PALM2AKAP2: variants seen among roughly 807,000 people sequenced by gnomAD.
PALM2AKAP2 encodes PALM2-AKAP2 fusion protein.
Under a neutral mutation model 71.5 loss-of-function variants are expected in PALM2AKAP2, and 37 were observed. That is an observed-to-expected ratio of 0.52 (90% confidence interval 0.40 to 0.68). PALM2AKAP2 has a LOEUF of 0.68. Ranked by LOEUF, PALM2AKAP2 falls within the 30% of genes least tolerant of loss-of-function variation. PALM2AKAP2 has a pLI of 0.00. For missense variants in PALM2AKAP2, 1,224 were observed against 1,191.8 expected (o/e 1.03, Z -0.40); for synonymous variants, 468 against 478.8 (o/e 0.98, Z 0.29).
chr9:109,934,820 A>G (rs1016679950), intron 6 of PALM2AKAP2, among the ~76,000 whole-genome samples: 1 of 152,234 alleles, frequency 6.6e-6, no homozygotes. Context: ...CTAGCTATAC[A>G]TATACTACTT....
chr9:109,741,963 A>G (rs896095916), intron 1 of PALM2AKAP2, among the ~76,000 whole-genome samples: 1 of 152,190 alleles, frequency 6.6e-6, no homozygotes, highest in African/African-American at 2.4e-5. Flanking sequence ...GTCTTGCATA[A>G]TAGTGGTCTA....
At chr9:110,153,503 C>T (rs1332423086) in intron 2 of PALM2AKAP2, among the ~76,000 whole-genome samples, 1 of 152,190 alleles carries the variant, frequency 6.6e-6, no homozygotes, top group East Asian at 1.9e-4. Context: ...TGTTTTAATT[C>T]ATATATTTTG....
intron 1 of PALM2AKAP2, among the ~76,000 whole-genome samples, chr9:109,843,686 A>G (rs1303324912): frequency 6.6e-6 from 1 of 152,152 alleles, no homozygotes; most frequent in East Asian, 1.9e-4. Flanking sequence ...TAAAGTCGAT[A>G]GTGTGTGTGT....
chr9:110,003,149 G>A (rs1056777256), intron 6 of PALM2AKAP2, among the ~76,000 whole-genome samples: 4 of 151,952 alleles, frequency 2.6e-5, no homozygotes, highest in Admixed American at 6.6e-5. Flanking sequence ...GATCTTTCCT[G>A]CTTTCTCTTG....
intron 1 of PALM2AKAP2, among the ~76,000 whole-genome samples, chr9:109,750,927 C>T (rs971723152): frequency 7.2e-5 from 11 of 152,078 alleles, no homozygotes; most frequent in African/African-American, 2.7e-4. Context: ...CAATTCAAGA[C>T]AGGTTTCTTT....
chr9:109,869,595 C>G (rs1276289616), intron 2 of PALM2AKAP2, among the ~76,000 whole-genome samples: 1 of 151,772 alleles, frequency 6.6e-6, no homozygotes, highest in Non-Finnish European at 1.5e-5. Flanking sequence ...GCCTTGGCCT[C>G]CCAAAGTGCT....
At chr9:109,681,454 C>A (rs1308290331) in intron 1 of PALM2AKAP2, among the ~76,000 whole-genome samples, 1 of 152,170 alleles carries the variant, frequency 6.6e-6, no homozygotes. Context: ...TAAGCCAGGG[C>A]AGGCATTGCA....
chr9:109,893,812 C>T (rs2131822148), intron 3 of PALM2AKAP2, among the ~76,000 whole-genome samples: 1 of 152,198 alleles, frequency 6.6e-6, no homozygotes, highest in Non-Finnish European at 1.5e-5. Context: ...GTGGTGCGGA[C>T]AACAAACACT....
At chr9:110,014,624 T>C (rs1360627845) in intron 6 of PALM2AKAP2, among the ~76,000 whole-genome samples, 1 of 150,450 alleles carries the variant, frequency 6.6e-6, no homozygotes, top group African/African-American at 2.4e-5. Flanking sequence ...AATACAAAAA[T>C]TAGCTGGGTG....
chr9:109,973,447 G>C (rs1223636083), intron 6 of PALM2AKAP2, among the ~76,000 whole-genome samples: 1 of 152,216 alleles, frequency 6.6e-6, no homozygotes, highest in Non-Finnish European at 1.5e-5. Flanking sequence ...ATGACAGAGA[G>C]AAAGGGGTAC....
intron 6 of PALM2AKAP2, among the ~76,000 whole-genome samples, chr9:109,961,862 T>C (rs1169475978): frequency 6.6e-6 from 1 of 152,178 alleles, no homozygotes; most frequent in African/African-American, 2.4e-5. Context: ...CATATTCCTG[T>C]GGGTACTAAT....
intron 1 of PALM2AKAP2, among the ~76,000 whole-genome samples, chr9:109,738,054 C>T (rs1475138422): frequency 6.6e-6 from 1 of 152,142 alleles, no homozygotes; most frequent in East Asian, 1.9e-4. Flanking sequence ...TGAAAGTGTT[C>T]CTGGTACCAA....
chr9:110,086,141 T>C (rs1834569363), intron 1 of PALM2AKAP2, among the ~76,000 whole-genome samples: 1 of 150,068 alleles, frequency 6.7e-6, no homozygotes, highest in Non-Finnish European at 1.5e-5. Flanking sequence ...CTACAAAGAG[T>C]TGCAAGTGGT....
intron 3 of PALM2AKAP2, among the ~76,000 whole-genome samples, chr9:109,910,668 C>T (rs1045216906): frequency 3.3e-5 from 5 of 151,966 alleles, no homozygotes; most frequent in Non-Finnish European, 5.9e-5. Context: ...TAGGAGCAGA[C>T]GCAGCAGGGC....
chr9:110,060,206 G>A (rs1443940434), intron 1 of PALM2AKAP2, among the ~76,000 whole-genome samples: 1 of 152,060 alleles, frequency 6.6e-6, no homozygotes, highest in African/African-American at 2.4e-5. Context: ...TCCGCCTCCT[G>A]TGTTTAAGCG....
chr9:109,646,258 G>A (rs1827152439), intron 1 of PALM2AKAP2, among the ~76,000 whole-genome samples: 1 of 152,182 alleles, frequency 6.6e-6, no homozygotes. Flanking sequence ...AGATCCATGT[G>A]TTTGTAGGAA....
intron 1 of PALM2AKAP2, among the ~76,000 whole-genome samples, chr9:109,688,788 T>C (rs1827838643): frequency 6.6e-6 from 1 of 152,238 alleles, no homozygotes; most frequent in South Asian, 2.1e-4. Flanking sequence ...AAATGCTTGC[T>C]TCTAAAAAGT....
intron 1 of PALM2AKAP2, among the ~76,000 whole-genome samples, chr9:109,643,012 A>G (rs983785522): frequency 4.0e-5 from 6 of 151,518 alleles, no homozygotes; most frequent in Non-Finnish European, 8.8e-5. Flanking sequence ...GCAAAACCTC[A>G]TCTCAAAAAA....
intron 6 of PALM2AKAP2, among the ~76,000 whole-genome samples, chr9:109,989,849 G>A (rs911450654): frequency 2.0e-5 from 3 of 152,162 alleles, no homozygotes; most frequent in Non-Finnish European, 4.4e-5. Flanking sequence ...GGGCATGTAG[G>A]TCACATCTCA....
Sources: gnomAD v4.1 joint callset for allele counts (sites outside exome capture counted in the v4.1 genomes callset) on GRCh38, gnomAD v4.1.1 for gene constraint, MANE v1.5 for transcripts, NCBI Gene and HGNC (gene_info 2026-07-23, HGNC 2026-07-21) for gene names.